KIAA1328: variants seen among roughly 807,000 people sequenced by gnomAD.
KIAA1328 encodes the protein KIAA1328, also known as protein hinderin.
In KIAA1328, 52 loss-of-function variants were observed where a neutral mutation model predicts 68.1. That is an observed-to-expected ratio of 0.76 (90% confidence interval 0.61 to 0.96). The LOEUF (loss-of-function observed/expected upper bound fraction) is 0.96, where lower values mean the gene tolerates loss of function less well. Ranked by LOEUF, KIAA1328 falls within the 40% of genes least tolerant of loss-of-function variation. The probability of loss-of-function intolerance (pLI) is 0.00; values close to 1 mark genes in which losing one functional copy is unlikely to be tolerated. For synonymous variants in KIAA1328, 232 were observed against 239.4 expected, an observed-to-expected ratio of 0.97 and a Z score of 0.28; for missense variants, 641 against 677.6, an observed-to-expected ratio of 0.95 and a Z score of 0.60.
chr18:36,884,751 G>A (rs1174395254), intron 4 of KIAA1328, among the ~76,000 whole-genome samples: 1 of 152,152 alleles, frequency 6.6e-6, no homozygotes. Flanking sequence ...GAAATTTGGG[G>A]TTAATGTCTC....
chr18:36,944,408 C>T (rs1001995552), intron 5 of KIAA1328, among the ~76,000 whole-genome samples: 2 of 152,108 alleles, frequency 1.3e-5, no homozygotes, highest in Admixed American at 1.3e-4. Flanking sequence ...GAAACCCCAT[C>T]TCTACTAAAA....
At chr18:37,045,582 T>C (rs1484815094) in intron 6 of KIAA1328, among the ~76,000 whole-genome samples, 1 of 152,176 alleles carries the variant, frequency 6.6e-6, no homozygotes, top group Admixed American at 6.5e-5. Flanking sequence ...GTTATATCAG[T>C]CATAATCTTA....
intron 7 of KIAA1328, among the ~76,000 whole-genome samples, chr18:37,151,315 C>T (rs982031356): frequency 1.3e-5 from 2 of 151,940 alleles, no homozygotes; most frequent in Non-Finnish European, 2.9e-5. Flanking sequence ...TGAATTTGAC[C>T]AGTCGGTATT....
At chr18:37,177,993 C>G (rs2059627115) in intron 9 of KIAA1328, among the ~76,000 whole-genome samples, 1 of 152,000 alleles carries the variant, frequency 6.6e-6, no homozygotes, top group Non-Finnish European at 1.5e-5. Flanking sequence ...ATCCTCTCTT[C>G]TAGTTATTTT....
intron 7 of KIAA1328, among the ~76,000 whole-genome samples, chr18:37,082,538 T>C (rs1381063567): frequency 6.6e-6 from 1 of 152,182 alleles, no homozygotes; most frequent in Non-Finnish European, 1.5e-5. Flanking sequence ...TTGTTTATAG[T>C]GCTCAGGATG....
intron 8 of KIAA1328, among the ~76,000 whole-genome samples, chr18:37,161,941 T>C (rs1226870148): frequency 6.6e-6 from 1 of 152,178 alleles, no homozygotes; most frequent in Non-Finnish European, 1.5e-5. Context: ...GAGGTTAATC[T>C]CTCCTGGGCC....
At chr18:37,230,833 T>C (rs1341517183), downstream of KIAA1328, 1 of 152,210 alleles carries the variant, frequency 6.6e-6, no homozygotes, top group Non-Finnish European at 1.5e-5. Context: ...GCATTTTCTT[T>C]CTTACAAATC....
At chr18:37,166,708 T>C (rs1176290535) in intron 8 of KIAA1328, among the ~76,000 whole-genome samples, 1 of 152,176 alleles carries the variant, frequency 6.6e-6, no homozygotes, top group African/African-American at 2.4e-5. Flanking sequence ...GAGCCTGCCT[T>C]TGTTTTGTCT....
At chr18:36,947,280 A>G (rs1306851173) in intron 5 of KIAA1328, among the ~76,000 whole-genome samples, 2 of 152,236 alleles carry the variant, frequency 1.3e-5, no homozygotes, top group Non-Finnish European at 2.9e-5. Flanking sequence ...GAGGCTTATT[A>G]TGTGCCAAAT....
intron 8 of KIAA1328, among the ~76,000 whole-genome samples, chr18:37,168,564 C>T (rs2059435436): frequency 5.3e-5 from 8 of 152,144 alleles, no homozygotes; most frequent in Admixed American, 5.2e-4. Flanking sequence ...AAATTATCAG[C>T]ATAGGTAAAT....
Position 36,957,654 on chromosome 18 carries a change from C to A in KIAA1328, c.449-1654C>A, listed in dbSNP as rs543512140. On this transcript the variant is annotated intron_variant, in intron 5 of 9. Transcript: ENST00000280020. The stretch of plus-strand genomic sequence containing the variant: ...GATGGTTTTATTAATGAAATATTGA[C>A]TTAACTGAAAAACTTAACAAAAAAA... 1.2e-4 allele frequency among the ~76,000 whole-genome samples: 18 copies of A among 152,172 alleles called. No individual in the cohort carries two copies. The South Asian group carries it at 3.7e-3, about 32-fold the overall frequency.
chr18:37,191,300 A>G (rs568760044), intron 9 of KIAA1328, among the ~76,000 whole-genome samples: 2 of 152,256 alleles, frequency 1.3e-5, no homozygotes, highest in African/African-American at 4.8e-5. Context: ...CATACGTTAC[A>G]TTGTGTTTAC....
At chr18:37,078,393 C>G (rs879737790) in intron 7 of KIAA1328, among the ~76,000 whole-genome samples, 4,115 of 152,020 alleles carry the variant, frequency 0.027, 73 homozygotes, top group Middle Eastern at 0.065. Flanking sequence ...AAAACCTAGG[C>G]AATACCATTC....
At chr18:37,163,741 A>G (rs766420112) in intron 8 of KIAA1328, among the ~76,000 whole-genome samples, 2 of 152,180 alleles carry the variant, frequency 1.3e-5, no homozygotes, top group Non-Finnish European at 2.9e-5. Context: ...TACAGAAATC[A>G]TTTCTATCTT....
At chr18:36,948,599 G>A (rs559857620) in intron 5 of KIAA1328, among the ~76,000 whole-genome samples, 1 of 149,300 alleles carries the variant, frequency 6.7e-6, no homozygotes, top group East Asian at 2.0e-4. Flanking sequence ...GCCCAGGCTG[G>A]AGTAAAATGG....
At chr18:37,031,816 A>C (rs1300092808) in intron 6 of KIAA1328, among the ~76,000 whole-genome samples, 2 of 151,860 alleles carry the variant, frequency 1.3e-5, no homozygotes, top group Non-Finnish European at 2.9e-5. Flanking sequence ...TTCTATACTC[A>C]CTGTCTTTGT....
intron 7 of KIAA1328, among the ~76,000 whole-genome samples, chr18:37,083,375 T>A (rs1321009087): frequency 1.3e-5 from 2 of 152,196 alleles, no homozygotes. Context: ...ATGATGAAAA[T>A]GACAATATTG....
chr18:37,100,084 C>A (rs1047694424), intron 7 of KIAA1328, among the ~76,000 whole-genome samples: 2 of 152,088 alleles, frequency 1.3e-5, no homozygotes, highest in African/African-American at 4.8e-5. Context: ...TCTACAGCTC[C>A]CAGCATGAGC....
At chr18:37,128,970 A>G (rs1030932679) in intron 7 of KIAA1328, among the ~76,000 whole-genome samples, 1 of 152,234 alleles carries the variant, frequency 6.6e-6, no homozygotes, top group African/African-American at 2.4e-5. Context: ...CTATGCAGAC[A>G]GAAAACAGAT....
Sources: gnomAD v4.1 joint callset for allele counts (sites outside exome capture counted in the v4.1 genomes callset) on GRCh38, gnomAD v4.1.1 for gene constraint, MANE v1.5 for transcripts, NCBI Gene and HGNC (gene_info 2026-07-23, HGNC 2026-07-21) for gene names.